Variants in ROBO2 observed in about 807,000 individuals in gnomAD.
ROBO2 encodes roundabout homolog 2.
Under a neutral mutation model 160.8 loss-of-function variants are expected in ROBO2, and 53 were observed. The ratio of observed to expected loss-of-function variants is 0.33; its 90% confidence interval spans 0.26 to 0.41. ROBO2 has a LOEUF of 0.41. Among genes scored for constraint, ROBO2 ranks in the 10% least tolerant of loss-of-function variants. ROBO2 has a pLI of 1.00. For missense variants in ROBO2, 1,577 were observed against 1,722.4 expected (o/e 0.92, Z 1.49); for synonymous variants, 664 against 611.7 (o/e 1.09, Z -1.26).
intron 2 of ROBO2, among the ~76,000 whole-genome samples, chr3:76,687,672 T>C (rs1018822292): frequency 2.6e-5 from 4 of 152,068 alleles, no homozygotes; most frequent in Non-Finnish European, 5.9e-5. Context: ...ATTTTATTCA[T>C]TGTGATCAGC....
intron 2 of ROBO2, among the ~76,000 whole-genome samples, chr3:77,426,436 A>G (rs1314397079): frequency 6.6e-6 from 1 of 152,100 alleles, no homozygotes; most frequent in Non-Finnish European, 1.5e-5. Flanking sequence ...GATGCTTCAG[A>G]GTGTTCAGAA....
intron 2 of ROBO2, among the ~76,000 whole-genome samples, chr3:76,791,743 G>T (rs1182374140): frequency 6.6e-6 from 1 of 151,618 alleles, no homozygotes; most frequent in Admixed American, 6.6e-5. Flanking sequence ...CGATAAATTT[G>T]GGGTGCAATC....
chr3:77,542,707 GC>G (rs1241598242), intron 6 of ROBO2, among the ~76,000 whole-genome samples: 11 of 152,176 alleles, frequency 7.2e-5, no homozygotes, highest in Admixed American at 2.0e-4. Context: ...TCCTTTAAAA[GC>G]CCTGATGAAA....
At chr3:76,100,698 C>T (rs893017003) in intron 2 of ROBO2, among the ~76,000 whole-genome samples, 1 of 152,046 alleles carries the variant, frequency 6.6e-6, no homozygotes, top group Non-Finnish European at 1.5e-5. Flanking sequence ...CTTTCTAGGG[C>T]GTAATTTTCT....
At chr3:76,981,786 A>C (rs2060112552) in intron 2 of ROBO2, among the ~76,000 whole-genome samples, 1 of 152,170 alleles carries the variant, frequency 6.6e-6, no homozygotes, top group South Asian at 2.1e-4. Context: ...GCTTAGAATC[A>C]TGCTGACAGG....
chr3:76,390,875 T>A (rs1424059490), intron 2 of ROBO2, among the ~76,000 whole-genome samples: 3 of 152,202 alleles, frequency 2.0e-5, no homozygotes, highest in African/African-American at 7.2e-5. Flanking sequence ...CAGTATGACA[T>A]TGAATGTGTA....
chr3:77,076,131 C>T (rs1195397101), intron 1 of ROBO2, among the ~76,000 whole-genome samples: 1 of 152,010 alleles, frequency 6.6e-6, no homozygotes, highest in African/African-American at 2.4e-5. Context: ...AAACCTTGGG[C>T]ACATTTTATT....
chr3:76,325,202 C>T (rs2072911507), intron 2 of ROBO2, among the ~76,000 whole-genome samples: 2 of 152,298 alleles, frequency 1.3e-5, no homozygotes, highest in Admixed American at 6.5e-5. Flanking sequence ...ACAATGTAAA[C>T]GCTCTGCTGT....
chr3:76,149,239 G>A (rs564435925), intron 2 of ROBO2, among the ~76,000 whole-genome samples: 1 of 152,218 alleles, frequency 6.6e-6, no homozygotes, highest in South Asian at 2.1e-4. Context: ...CAAACTTGCA[G>A]ACCCTTTCTA....
intron 2 of ROBO2, among the ~76,000 whole-genome samples, chr3:76,747,659 T>C (rs1448055002): frequency 1.3e-5 from 2 of 152,006 alleles, no homozygotes; most frequent in Non-Finnish European, 2.9e-5. Flanking sequence ...GTTTTTTTAA[T>C]GATTGATCTC....
intron 2 of ROBO2, among the ~76,000 whole-genome samples, chr3:76,073,685 T>C (rs1210513841): frequency 6.6e-6 from 1 of 151,986 alleles, no homozygotes; most frequent in Non-Finnish European, 1.5e-5. Context: ...TAAATTGGAG[T>C]GTAGTCAAAG....
At chr3:76,401,719 A>G (rs1293852125) in intron 2 of ROBO2, among the ~76,000 whole-genome samples, 1 of 151,464 alleles carries the variant, frequency 6.6e-6, no homozygotes, top group Admixed American at 6.6e-5. Context: ...GAATAAAATC[A>G]AACCTTTACT....
intron 1 of ROBO2, among the ~76,000 whole-genome samples, chr3:75,930,960 A>G (rs1357360845): frequency 1.3e-5 from 2 of 152,304 alleles, no homozygotes; most frequent in East Asian, 3.9e-4. Flanking sequence ...ATAGAAACCA[A>G]AGTGATCTCT....
At chr3:76,437,911 A>G (rs925998353) in intron 2 of ROBO2, among the ~76,000 whole-genome samples, 7 of 152,186 alleles carry the variant, frequency 4.6e-5, no homozygotes, top group Non-Finnish European at 1.0e-4. Flanking sequence ...GCCTTCAGAC[A>G]TGAAATTCAT....
intron 2 of ROBO2, among the ~76,000 whole-genome samples, chr3:76,773,871 A>G (rs1367053800): frequency 4.6e-5 from 7 of 150,886 alleles, no homozygotes; most frequent in Non-Finnish European, 7.4e-5. Flanking sequence ...TAAAAAAGTC[A>G]GAGGTGGGGA....
intron 2 of ROBO2, among the ~76,000 whole-genome samples, chr3:76,471,583 A>G (rs1577426757): frequency 6.6e-6 from 1 of 152,190 alleles, no homozygotes; most frequent in African/African-American, 2.4e-5. Flanking sequence ...GAAGTTTTGC[A>G]TAATTTTCAA....
chr3:77,361,002 A>G (rs1417813436), intron 2 of ROBO2, among the ~76,000 whole-genome samples: 1 of 152,186 alleles, frequency 6.6e-6, no homozygotes, highest in Non-Finnish European at 1.5e-5. Flanking sequence ...TTGCATAGGC[A>G]AAAATTATTA....
chr3:76,346,836 A>G (rs2074562431), intron 2 of ROBO2, among the ~76,000 whole-genome samples: 1 of 152,184 alleles, frequency 6.6e-6, no homozygotes, highest in Admixed American at 6.6e-5. Flanking sequence ...ACATGAAAGC[A>G]AAATAAATTA....
intron 2 of ROBO2, among the ~76,000 whole-genome samples, chr3:76,605,291 G>A (rs976660093): frequency 7.2e-5 from 11 of 151,944 alleles, no homozygotes; most frequent in African/African-American, 1.9e-4. Context: ...GATCAGATAT[G>A]TAGATTAAGT....
Sources: gnomAD v4.1 joint callset for allele counts (sites outside exome capture counted in the v4.1 genomes callset) on GRCh38, gnomAD v4.1.1 for gene constraint, MANE v1.5 for transcripts, NCBI Gene and HGNC (gene_info 2026-07-23, HGNC 2026-07-21) for gene names.